The following DDHD2 variants were observed in gnomAD, a reference collection of about 807,000 sequenced individuals.
DDHD2 encodes triacylglycerol hydrolase DDHD2.
Under a neutral mutation model 91.2 loss-of-function variants are expected in DDHD2, and 62 were observed. The ratio of observed to expected loss-of-function variants is 0.68; its 90% CI spans 0.55 to 0.84. The LOEUF is 0.84. DDHD2 is among the 40% of genes least tolerant of loss of function. The pLI, the probability that DDHD2 is intolerant of heterozygous loss-of-function variation, is 0.00. For synonymous variants in DDHD2, 271 were observed against 293.9 expected (o/e 0.92, Z 0.80); for missense variants, 740 against 846.9 (o/e 0.87, Z 1.57).
At position 38,249,953 on chromosome 8, in the gene DDHD2, G is replaced by C. The variant is rs980448051; in HGVS notation, c.1344+150G>C. ...TTTTTTTGAGACAGGGTCTCGCTCT[G>C]TCACTCAGGCTGGAGTGCAGTGGTG... On this transcript the variant is annotated intron_variant, in intron 11 of 17. Transcript: ENST00000397166. The C allele has an allele frequency of 8.7e-6, 4 of 458,782 alleles. No individual in the cohort carries two copies. In the Admixed American group the frequency reaches 1.4e-4, roughly 16 times the overall value. 28.4% of individuals were successfully genotyped at this position (458,782 alleles called of 1,614,324 possible).
chr8:38,242,053 C>CA (rs911221102), intron 6 of DDHD2, 197 bp from the exon 7 acceptor site: 17,897 of 396,904 alleles, frequency 0.045, no homozygotes, highest in Middle Eastern at 0.061. Flanking sequence ...TACTCCATCT[C>CA]AAAAAAAAAA....
At chr8:38,269,177 ACCGCCG>A in intron 1 of DDHD2, 1 of 1,505,046 alleles carries the variant, frequency 6.6e-7, no homozygotes, top group Non-Finnish European at 8.8e-7. Context: ...CCCAAAGGCC[ACCGCCG>A]CCGCCGCCTT....
In DDHD2 at chr8:38,261,171, T is replaced by C. The variant is rs1240791694; in HGVS notation, c.*598T>C. On this transcript the variant is annotated 3_prime_UTR_variant, in exon 18 of 18. Transcript: ENST00000397166. ...GAATGTAGCTTTAAAAAAGTGTTGT[T>C]TACTCTCTTAGAACTGACAGACTTA... 1 of 152,242 alleles carries C rather than the reference T, an allele frequency of 6.6e-6. No individual in the cohort carries two copies. The highest frequency in any genetic ancestry group is 2.4e-5 in the African/African-American group (1 of 41,468). 9.4% of individuals were successfully genotyped at this position (152,242 alleles called of 1,614,324 possible).
chr8:38,263,316 G>A, downstream of DDHD2: 3 of 911,340 alleles, frequency 3.3e-6, no homozygotes, highest in Non-Finnish European at 3.9e-6. Context: ...AGAAGGGGCA[G>A]AAAAAGATTC....
At chr8:38,247,690 G>A in intron 9 of DDHD2, 23 bp from the exon 10 acceptor site, 2 of 1,430,002 alleles carry the variant, frequency 1.4e-6, no homozygotes, top group Non-Finnish European at 1.9e-6. Flanking sequence ...TCAAGAATAT[G>A]AGCTTTATAA....
At chr8:38,243,167 C>T (rs1277957911) in intron 7 of DDHD2, among the ~76,000 whole-genome samples, 1 of 152,124 alleles carries the variant, frequency 6.6e-6, no homozygotes, top group African/African-American at 2.4e-5. Flanking sequence ...TTACTAAGGG[C>T]ACGTAGCCCT....
At position 38,234,550 on chromosome 8, in the gene DDHD2, T is replaced by G. The variant is rs764694270; in HGVS notation, c.377T>G (p.Val126Gly). ...FYKGDKDNKY[V>G]PYSESFSQVL... ...AAGGGGGACAAAGACAATAAGTATG[T>G]TCCCTACTCGGAGAGCTTCAGCCAA... The change falls in exon 3 of 18, where the codon GTT (valine) becomes GGT (glycine). Residue 126 changes from valine (V) to glycine (G), a missense_variant. Physicochemically the swap from Val to Gly is moderately radical, Grantham distance 109. Transcript: ENST00000397166. The G allele has an allele frequency of 6.2e-7, 1 of 1,611,130 alleles. No homozygotes were observed. Among genetic ancestry groups the G allele is most frequent in the Non-Finnish European group, 8.5e-7 (1 of 1,179,404 alleles).
intron 6 of DDHD2, 107 bp from the exon 7 acceptor site, chr8:38,242,143 T>C: frequency 1.2e-6 from 1 of 845,894 alleles, no homozygotes; most frequent in Middle Eastern, 2.5e-4. Flanking sequence ...GAAGTCAGTA[T>C]GTGTTCTGTG....
chr8:38,256,279 T>C (rs1156312066), intron 16 of DDHD2, among the ~76,000 whole-genome samples: 1 of 152,182 alleles, frequency 6.6e-6, no homozygotes, highest in African/African-American at 2.4e-5. Context: ...TATATACTTT[T>C]GTTGTTTGGC....
chr8:38,270,975 A>G (rs917269474), intron 1 of DDHD2: 2 of 152,250 alleles, frequency 1.3e-5, no homozygotes, highest in Admixed American at 6.5e-5. Context: ...TTGGGAGTGT[A>G]ACGTAAGTGC....
At chr8:38,251,872 C>A in intron 11 of DDHD2, 40 bp from the exon 12 acceptor site, 1 of 1,481,370 alleles carries the variant, frequency 6.8e-7, no homozygotes, top group South Asian at 1.1e-5. Flanking sequence ...TGCATGCCGT[C>A]ATGCCCAGCT....
intron 9 of DDHD2, chr8:38,247,424 CTG>C (rs1805732714): frequency 5.6e-6 from 1 of 179,026 alleles, no homozygotes; most frequent in African/African-American, 2.4e-5. Flanking sequence ...CCAGCCTAGA[CTG>C]TTTTATTTCT....
In DDHD2 at chr8:38,247,741, G is replaced by A. The variant is rs1805760221; in HGVS notation, c.1154G>A (p.Gly385Glu). The change falls in exon 10 of 18, where the codon GGA becomes GAA. Residue 385 changes from glycine (G) to glutamate (E), a missense_variant. By Grantham distance (98) the Gly-to-Glu change is moderately conservative (BLOSUM62 -2). Around this residue, in one of 2 missense-constraint regions of DDHD2, gnomAD observed 693 missense variants for 764.2 expected, o/e 0.91. Coordinates refer to ENST00000397166, the MANE Select transcript of DDHD2 (RefSeq NM_015214.3). The part of the protein sequence containing the change: ...KDSLNIVMDQ[G>E]DTPTLEEDLK... Reference sequence around the variant, plus strand: ...TCGCTAAATATTGTAATGGATCAAGGAGATACACCTACACTAGAGGAAGAT... The same window carrying A: ...TCGCTAAATATTGTAATGGATCAAGAAGATACACCTACACTAGAGGAAGAT... 4 of 1,547,918 alleles carry A rather than the reference G, an allele frequency of 2.6e-6. No individual in the cohort carries two copies. The Admixed American group carries it at 6.1e-5, about 24-fold the overall frequency.
chr8:38,249,538 T>C (rs1805939753), intron 10 of DDHD2, among the ~76,000 whole-genome samples, 170 bp from the exon 11 acceptor site: 1 of 152,128 alleles, frequency 6.6e-6, no homozygotes, highest in Admixed American at 6.5e-5. Context: ...TCTATTCTTT[T>C]TTAGGCTGTT....
At chr8:38,236,703 T>C (rs1217399387) in intron 3 of DDHD2, among the ~76,000 whole-genome samples, 2 of 152,044 alleles carry the variant, frequency 1.3e-5, no homozygotes, top group African/African-American at 4.8e-5. Context: ...GTAGTAGAGA[T>C]GGGATGGGAT....
At chr8:38,268,374 G>T in intron 1 of DDHD2, 2 of 1,566,240 alleles carry the variant, frequency 1.3e-6, no homozygotes, top group Non-Finnish European at 1.7e-6. Flanking sequence ...CGCTCACCCA[G>T]GCAGGCTTGT....
intron 8 of DDHD2, 109 bp downstream of exon 8, chr8:38,246,059 G>C: frequency 7.8e-7 from 1 of 1,280,166 alleles, no homozygotes; most frequent in South Asian, 1.2e-5. Flanking sequence ...TCTAGAAGTG[G>C]TCTGTGGTCA....
chr8:38,255,208 A>G, intron 16 of DDHD2: 1 of 281,104 alleles, frequency 3.6e-6, no homozygotes, highest in South Asian at 3.0e-5. Flanking sequence ...AAAAAAAAAA[A>G]AAAAAGCAAG....
intron 1 of DDHD2, chr8:38,268,762 C>T: frequency 7.0e-7 from 1 of 1,436,476 alleles, no homozygotes; most frequent in East Asian, 2.6e-5. Flanking sequence ...CGGAACCCAG[C>T]GCACAGCAGC....
Sources: gnomAD v4.1 joint callset for allele counts (sites outside exome capture counted in the v4.1 genomes callset) on GRCh38, gnomAD v4.1.1 for gene constraint, gnomAD v4.1.1 regional missense constraint, MANE v1.5 for transcripts, NCBI Gene and HGNC (gene_info 2026-07-23, HGNC 2026-07-21) for gene names.